Variants in KCNIP4 observed in about 807,000 individuals in gnomAD.
KCNIP4 encodes the protein potassium voltage-gated channel interacting protein 4, also known as Kv channel-interacting protein 4.
A neutral mutation model predicts 34.0 loss-of-function variants in KCNIP4; 12 were observed. The ratio of observed to expected loss-of-function variants is 0.35; its 90% CI spans 0.23 to 0.57. The LOEUF is 0.57. KCNIP4 is among the 20% of genes least tolerant of loss of function. The pLI is 0.83. For synonymous variants in KCNIP4, 124 were observed against 102.2 expected (o/e 1.21, Z -1.29); for missense variants, 238 against 311.7 (o/e 0.76, Z 1.78).
At chr4:20,810,963 G>C (rs969799115) in intron 3 of KCNIP4, among the ~76,000 whole-genome samples, 1 of 152,098 alleles carries the variant, frequency 6.6e-6, no homozygotes, top group African/African-American at 2.4e-5. Flanking sequence ...TGATACATAT[G>C]ACGTGGACAA....
At chr4:21,785,653 T>C (rs28824602) in intron 1 of KCNIP4, among the ~76,000 whole-genome samples, 41,661 of 151,854 alleles carry the variant, frequency 0.27, 8,962 homozygotes, top group African/African-American at 0.6. Context: ...TCCCCAATCC[T>C]CCCTTTACCC....
chr4:20,972,517 A>G (rs1023938337), intron 1 of KCNIP4, among the ~76,000 whole-genome samples: 11 of 152,142 alleles, frequency 7.2e-5, no homozygotes, highest in Admixed American at 2.0e-4. Context: ...TTTTGAAAGG[A>G]ATCTCTTTGT....
At chr4:20,822,697 C>T (rs1429064265) in intron 3 of KCNIP4, among the ~76,000 whole-genome samples, 2 of 152,210 alleles carry the variant, frequency 1.3e-5, no homozygotes, top group South Asian at 2.1e-4. Flanking sequence ...CAATGCATTT[C>T]GCATGTGAGA....
chr4:21,515,137 T>C (rs1734650220), intron 1 of KCNIP4, among the ~76,000 whole-genome samples: 1 of 152,190 alleles, frequency 6.6e-6, no homozygotes, highest in South Asian at 2.1e-4. Flanking sequence ...TTTAGGTTGG[T>C]GCTTAACCAT....
intron 1 of KCNIP4, among the ~76,000 whole-genome samples, chr4:21,933,789 A>C (rs1729705596): frequency 6.6e-6 from 1 of 152,152 alleles, no homozygotes; most frequent in Non-Finnish European, 1.5e-5. Context: ...GATGGCAGAA[A>C]TATGAGACTT....
At chr4:21,947,849 TG>T (rs1730591265) in intron 1 of KCNIP4, among the ~76,000 whole-genome samples, 1 of 152,222 alleles carries the variant, frequency 6.6e-6, no homozygotes, top group Non-Finnish European at 1.5e-5. Flanking sequence ...AGACGCTTTG[TG>T]GAAGGGCATC....
intron 1 of KCNIP4, among the ~76,000 whole-genome samples, chr4:21,556,922 G>GAAAAAAAAAAA (rs1253971751): frequency 2.8e-5 from 2 of 70,846 alleles, no homozygotes; most frequent in East Asian, 5.1e-4. Flanking sequence ...CTCCATCTCA[G>GAAAAAAAAAAA]AAAAAAAAAA....
At chr4:21,398,998 T>C (rs1723241916) in intron 1 of KCNIP4, among the ~76,000 whole-genome samples, 1 of 152,226 alleles carries the variant, frequency 6.6e-6, no homozygotes, top group Admixed American at 6.5e-5. Flanking sequence ...AAAATCTGTT[T>C]AAAAAATAAT....
At chr4:20,878,624 A>C (rs750177569) in intron 2 of KCNIP4, among the ~76,000 whole-genome samples, 1 of 152,198 alleles carries the variant, frequency 6.6e-6, no homozygotes, top group Non-Finnish European at 1.5e-5. Flanking sequence ...GTGAGTGTCT[A>C]GTATCATGCC....
chr4:20,988,192 T>G (rs1560625412), intron 1 of KCNIP4, among the ~76,000 whole-genome samples: 1 of 151,992 alleles, frequency 6.6e-6, no homozygotes, highest in Non-Finnish European at 1.5e-5. Context: ...TCTGCCTACT[T>G]TATCATTCAC....
At chr4:21,358,972 G>A (rs1184064327) in intron 1 of KCNIP4, among the ~76,000 whole-genome samples, 1 of 152,002 alleles carries the variant, frequency 6.6e-6, no homozygotes, top group Non-Finnish European at 1.5e-5. Flanking sequence ...TCCCCACAAT[G>A]TATAAAACCA....
intron 1 of KCNIP4, among the ~76,000 whole-genome samples, chr4:21,064,992 C>T (rs1744224659): frequency 6.6e-6 from 1 of 152,124 alleles, no homozygotes; most frequent in Non-Finnish European, 1.5e-5. Context: ...ACATTGACCA[C>T]CTGTTCATTA....
intron 1 of KCNIP4, among the ~76,000 whole-genome samples, chr4:21,790,349 C>T (rs35489277): frequency 0.074 from 11,189 of 152,156 alleles, 512 homozygotes; most frequent in Middle Eastern, 0.14. Flanking sequence ...ATCTAAGCAA[C>T]CACTTTAATA....
At chr4:21,249,362 G>A (rs145241609) in intron 1 of KCNIP4, among the ~76,000 whole-genome samples, 1 of 152,228 alleles carries the variant, frequency 6.6e-6, no homozygotes, top group East Asian at 1.9e-4. Context: ...ATTAGTGATG[G>A]TGTTGGAAAT....
chr4:21,061,504 A>G (rs1026451734), intron 1 of KCNIP4, among the ~76,000 whole-genome samples: 1 of 152,198 alleles, frequency 6.6e-6, no homozygotes, highest in Non-Finnish European at 1.5e-5. Context: ...AGCCAGACTC[A>G]GCACCATATT....
intron 1 of KCNIP4, among the ~76,000 whole-genome samples, chr4:21,123,937 T>A (rs1474827141): frequency 2.6e-5 from 4 of 151,966 alleles, no homozygotes; most frequent in African/African-American, 9.7e-5. Context: ...CTTCCAGAAC[T>A]GTGAGAAAAT....
Position 21,944,556 on chromosome 4 carries a change from CAAAAAAAAAA to C in KCNIP4, c.61+4005_61+4014del, listed in dbSNP as rs5856680. Among the ~76,000 whole-genome samples the C allele has an allele frequency of 7.7e-5, 8 of 104,442 alleles. No individual in the cohort carries two copies. In the South Asian group the frequency reaches 1.3e-3, roughly 18 times the overall value. 68.5% of individuals were successfully genotyped at this position (104,442 alleles called of 152,430 possible). ...TGGGCAACAGAATGAGACTCCGTCT[CAAAAAAAAAA>C]AAAAAAAAAAAAGAGAGATCTGAGA... On this transcript the variant is annotated intron_variant, in intron 1 of 8. Coordinates refer to ENST00000382152, the MANE Select transcript of KCNIP4 (RefSeq NM_025221.6).
chr4:21,475,076 T>C (rs9685466), intron 1 of KCNIP4, among the ~76,000 whole-genome samples: 18,707 of 151,572 alleles, frequency 0.12, 1,317 homozygotes, highest in South Asian at 0.21. Context: ...AATGCTTTGT[T>C]CTATGTTGCC....
intron 1 of KCNIP4, among the ~76,000 whole-genome samples, chr4:21,840,309 CTCTGTAG>C (rs1228052084): frequency 5.9e-5 from 9 of 151,920 alleles, no homozygotes; most frequent in Admixed American, 2.6e-4. Flanking sequence ...AGTGAGTCTC[CTCTGTAG>C]TCTGTAGTCT....
Sources: gnomAD v4.1 joint callset for allele counts (sites outside exome capture counted in the v4.1 genomes callset) on GRCh38, gnomAD v4.1.1 for gene constraint, MANE v1.5 for transcripts, NCBI Gene and HGNC (gene_info 2026-07-23, HGNC 2026-07-21) for gene names.